The following USP6NL variants were observed in gnomAD, a reference collection of about 807,000 sequenced individuals.
USP6NL encodes the protein USP6 N-terminal-like protein.
In USP6NL, 26 loss-of-function variants were observed where a neutral mutation model predicts 61.9. That is an observed-to-expected ratio of 0.42 (90% CI 0.31 to 0.58). The LOEUF (loss-of-function observed/expected upper bound fraction) is 0.58, where lower values mean the gene tolerates loss of function less well. Among genes scored for constraint, USP6NL ranks in the 20% least tolerant of loss-of-function variants. The pLI is 0.16. For synonymous variants in USP6NL, 432 were observed against 390.1 expected, an observed-to-expected ratio of 1.11 and a Z score of -1.27; for missense variants, 1,114 against 1,034.3, an observed-to-expected ratio of 1.08 and a Z score of -1.06.
chr10:11,483,415 C>A, intron 13 of USP6NL, among the ~76,000 whole-genome samples: 1 of 139,430 alleles, frequency 7.2e-6, no homozygotes, highest in South Asian at 2.5e-4. Flanking sequence ...GAACATTAAG[C>A]TAATGTCTCT....
intron 2 of USP6NL, among the ~76,000 whole-genome samples, chr10:11,559,237 T>C (rs1250306713): frequency 6.6e-6 from 1 of 152,174 alleles, no homozygotes; most frequent in Non-Finnish European, 1.5e-5. Context: ...GTGTAAATGC[T>C]TTAGGATGTT....
chr10:11,494,713 C>T (rs1284054195), intron 7 of USP6NL, among the ~76,000 whole-genome samples: 1 of 151,682 alleles, frequency 6.6e-6, no homozygotes, highest in African/African-American at 2.4e-5. Flanking sequence ...CCCTTTCCTG[C>T]CTGGCAGCTG....
At chr10:11,610,641 C>A (rs918766067) in intron 1 of USP6NL, among the ~76,000 whole-genome samples, 2 of 146,420 alleles carry the variant, frequency 1.4e-5, no homozygotes, top group African/African-American at 5.0e-5. Flanking sequence ...TTTTTCCATT[C>A]GTCTCGCACT....
chr10:11,550,254 A>G (rs1836433148), intron 2 of USP6NL, among the ~76,000 whole-genome samples: 1 of 152,224 alleles, frequency 6.6e-6, no homozygotes. Context: ...CACAAACTAG[A>G]AAAGCTGATA....
At chr10:11,509,462 T>C in intron 6 of USP6NL, 133 bp downstream of exon 6, 2 of 714,944 alleles carry the variant, frequency 2.8e-6, no homozygotes, top group South Asian at 2.1e-5. Flanking sequence ...ATTCGAGGCA[T>C]ACTGCTAAAT....
intron 2 of USP6NL, among the ~76,000 whole-genome samples, chr10:11,557,911 G>A (rs983915033): frequency 6.6e-6 from 1 of 152,184 alleles, no homozygotes; most frequent in African/African-American, 2.4e-5. Flanking sequence ...AAGATAACCA[G>A]CTGAAAATAG....
At chr10:11,509,758 A>G in intron 5 of USP6NL, 83 bp from the exon 6 acceptor site, 1 of 1,181,498 alleles carries the variant, frequency 8.5e-7, no homozygotes, top group East Asian at 2.6e-5. Context: ...AAATGCTTCT[A>G]AAAAAGGAAC....
At chr10:11,593,242 TAGTA>T (rs1219809073) in intron 2 of USP6NL, among the ~76,000 whole-genome samples, 6 of 152,238 alleles carry the variant, frequency 3.9e-5, no homozygotes, top group Non-Finnish European at 7.3e-5. Flanking sequence ...GCAAATAAGC[TAGTA>T]AGTGTTTTTT....
chr10:11,528,824 A>C lies in USP6NL; in HGVS notation c.5-1257T>G, dbSNP rs938399718. 3.3e-5 allele frequency among the ~76,000 whole-genome samples: 5 copies of C among 152,180 alleles called. No individual in the cohort carries two copies. Among genetic ancestry groups the C allele is most frequent in the African/African-American group, 1.2e-4 (5 of 41,432 alleles). ...TTCCTAAGGAGAGGTGGGGTTAAAAACAAGGGAGCTGAGTAAAGGAAGTCA... is the reference window on the plus strand; with the variant it reads ...TTCCTAAGGAGAGGTGGGGTTAAAACCAAGGGAGCTGAGTAAAGGAAGTCA... On this transcript the variant is annotated intron_variant, in intron 2 of 14. Transcript: ENST00000609104. This position sits in a 1 kb window ranked among gnomAD's most constrained non-coding sequence, Gnocchi z 4.6.
At chr10:11,531,050 G>A (rs1219714541) in intron 2 of USP6NL, among the ~76,000 whole-genome samples, 1 of 152,206 alleles carries the variant, frequency 6.6e-6, no homozygotes, top group Admixed American at 6.5e-5. Context: ...AGCTGTGTTG[G>A]TTGGTACTTA....
rs976722288 is a variant in USP6NL at position 11,592,155 on chromosome 10, A to G, written c.4+5476T>C. Reference sequence around the variant, plus strand: ...CCAAAGTATTGGCATTACAGCCGTGAGCCACCACACTCGGCCTCAGAATTA... The same window carrying G: ...CCAAAGTATTGGCATTACAGCCGTGGGCCACCACACTCGGCCTCAGAATTA... On this transcript the variant is annotated intron_variant, in intron 2 of 14. Coordinates refer to ENST00000609104, the MANE Select transcript of USP6NL (RefSeq NM_014688.5). This position sits in a 1 kb window ranked among gnomAD's most constrained non-coding sequence, Gnocchi z 4.7. Among the ~76,000 whole-genome samples, 2 of 152,226 alleles carry G rather than the reference A, an allele frequency of 1.3e-5. No individual in the cohort carries two copies. Among genetic ancestry groups the G allele is most frequent in the Non-Finnish European group, 2.9e-5 (2 of 68,036 alleles).
intron 5 of USP6NL, among the ~76,000 whole-genome samples, chr10:11,512,974 A>G (rs1834790208): frequency 6.6e-6 from 1 of 152,216 alleles, no homozygotes; most frequent in African/African-American, 2.4e-5. Flanking sequence ...AATTATTTTG[A>G]TCATTGTTAC....
In USP6NL at chr10:11,468,050, T is replaced by C. The variant is rs937862700; in HGVS notation, c.1079-4201A>G. Among the ~76,000 whole-genome samples, 4 of 152,334 alleles carry C rather than the reference T, an allele frequency of 2.6e-5. No homozygotes were observed. Among genetic ancestry groups the C allele is most frequent in the South Asian group, 2.1e-4 (1 of 4,824 alleles). ...TGAGCAATCTTACCAAAAAACAAAG[T>C]CAGATTAATCAAGTATGGCATCGCT... is the stretch of plus-strand genomic sequence containing the variant. On this transcript the variant is annotated intron_variant, in intron 14 of 14. Transcript: ENST00000609104. This position sits in a 1 kb window ranked among gnomAD's most constrained non-coding sequence, Gnocchi z 4.5.
chr10:11,480,578 G>T (rs944059371), intron 14 of USP6NL, among the ~76,000 whole-genome samples: 1 of 152,380 alleles, frequency 6.6e-6, no homozygotes, highest in South Asian at 2.1e-4. Flanking sequence ...CATTACTGCT[G>T]TGAGGGTTGC....
chr10:11,581,836 G>A (rs1030321684), intron 2 of USP6NL, among the ~76,000 whole-genome samples: 4 of 152,128 alleles, frequency 2.6e-5, no homozygotes, highest in Admixed American at 1.3e-4. Context: ...GTGGTGGCTC[G>A]ATCTCAGCTC....
intron 2 of USP6NL, among the ~76,000 whole-genome samples, chr10:11,567,082 C>A (rs2019065705): frequency 6.6e-6 from 1 of 152,228 alleles, no homozygotes; most frequent in African/African-American, 2.4e-5. Context: ...CCACTGTACT[C>A]CAGCCTGGCT....
At chr10:11,559,894 C>T (rs1170982945) in intron 2 of USP6NL, among the ~76,000 whole-genome samples, 1 of 152,092 alleles carries the variant, frequency 6.6e-6, no homozygotes, top group Non-Finnish European at 1.5e-5. Flanking sequence ...TACCACCACA[C>T]CATATAAGTC....
intron 6 of USP6NL, among the ~76,000 whole-genome samples, chr10:11,505,040 A>C (rs1224171659): frequency 6.6e-6 from 1 of 152,212 alleles, no homozygotes; most frequent in East Asian, 1.9e-4. Context: ...GGTGAGCGCC[A>C]TGCATCTGCT....
chr10:11,543,760 G>T (rs1407375336), intron 2 of USP6NL, among the ~76,000 whole-genome samples: 1 of 149,790 alleles, frequency 6.7e-6, no homozygotes, highest in Non-Finnish European at 1.5e-5. Context: ...CTGCTACTAG[G>T]CTCCAGGTAA....
Sources: allele counts gnomAD v4.1 joint callset (sites outside exome capture counted in the v4.1 genomes callset), GRCh38; gene constraint gnomAD v4.1.1; non-coding constraint Gnocchi (gnomAD v3.1); transcripts MANE v1.5; gene names NCBI Gene and HGNC (gene_info 2026-07-23, HGNC 2026-07-21).